Variants in LAMA2 observed in about 807,000 individuals in gnomAD.
LAMA2 encodes the protein laminin subunit alpha-2.
Under a neutral mutation model 364.8 loss-of-function variants are expected in LAMA2, and 269 were observed. The observed-to-expected ratio is 0.74, with a 90% CI of 0.67 to 0.82. LAMA2 has a LOEUF of 0.82. Among genes scored for constraint, LAMA2 ranks in the 40% least tolerant of loss-of-function variants. LAMA2 has a pLI of 0.00. For missense variants in LAMA2, 3,807 were observed against 3,873.2 expected (o/e 0.98, Z 0.45); for synonymous variants, 1,379 against 1,370.6 (o/e 1.01, Z -0.14).
chr6:129,239,895 GT>G (rs1271675897), intron 12 of LAMA2, among the ~76,000 whole-genome samples: 1 of 152,188 alleles, frequency 6.6e-6, no homozygotes, highest in Non-Finnish European at 1.5e-5. Flanking sequence ...ATGAAGGGGA[GT>G]TTGTTAGGAG....
intron 1 of LAMA2, among the ~76,000 whole-genome samples, chr6:128,992,182 T>C (rs1178022928): frequency 1.3e-5 from 2 of 152,244 alleles, no homozygotes; most frequent in East Asian, 3.8e-4. Context: ...CAATTCGTGC[T>C]CTGACTCTAG....
chr6:129,134,802 G>A lies in LAMA2; in HGVS notation c.640-9099G>A, dbSNP rs140690471. Among the ~76,000 whole-genome samples, 181 of 152,302 alleles carry A rather than the reference G, an allele frequency of 1.2e-3. 2 individuals carry two copies. Among genetic ancestry groups the A allele is most frequent in the South Asian group, 3.1e-3 (15 of 4,830 alleles). On this transcript the variant is annotated intron_variant, in intron 4 of 64. Coordinates refer to ENST00000421865, the MANE Select transcript of LAMA2 (RefSeq NM_000426.4). ...GATAGTACTGGTCCATGGCCCAGCA[G>A]TTGGGGACCCCTGCTTTAGCCCTCA...
At chr6:129,449,154 G>C (rs774754215) in intron 45 of LAMA2, among the ~76,000 whole-genome samples, 7 of 152,196 alleles carry the variant, frequency 4.6e-5, no homozygotes, top group Non-Finnish European at 1.0e-4. Context: ...CCAGAAAACA[G>C]AAAGCAGGTA....
chr6:129,393,277 A>T, intron 37 of LAMA2, 22 bp downstream of exon 37: 1 of 1,575,368 alleles, frequency 6.3e-7, no homozygotes, highest in Non-Finnish European at 8.7e-7. Flanking sequence ...GGGCACTTTT[A>T]TCTTAATCTC....
At chr6:128,934,269 G>A (rs1779676736) in intron 1 of LAMA2, among the ~76,000 whole-genome samples, 1 of 151,984 alleles carries the variant, frequency 6.6e-6, no homozygotes, top group Non-Finnish European at 1.5e-5. Flanking sequence ...TTATTTCTGG[G>A]CTATTCCGTT....
chr6:128,977,509 G>C (rs758378816), intron 1 of LAMA2, among the ~76,000 whole-genome samples: 2 of 151,936 alleles, frequency 1.3e-5, no homozygotes, highest in African/African-American at 4.8e-5. Context: ...TGATCCTTCT[G>C]CCTCAGCCTT....
At position 129,314,646 on chromosome 6, in the gene LAMA2, T is replaced by G; in HGVS notation, c.3412-9T>G. 6.2e-7 allele frequency: 1 copy of G among 1,613,252 alleles called. No homozygotes were observed. The highest frequency in any genetic ancestry group is 1.1e-5 in the South Asian group (1 of 90,988). ...TTATAAACTCTGAGGGTCTCTTGTC[T>G]TTCCTCAGGTGAATGTGGAAGGCAT... is the stretch of plus-strand genomic sequence containing the variant. On this transcript the variant is annotated splice_polypyrimidine_tract_variant and intron_variant, in intron 23 of 64. Transcript: ENST00000421865.
intron 37 of LAMA2, among the ~76,000 whole-genome samples, chr6:129,393,542 G>A (rs1779440916): frequency 6.6e-6 from 1 of 152,194 alleles, no homozygotes; most frequent in Non-Finnish European, 1.5e-5. Context: ...TCTTTACAGG[G>A]AGTCAGGCGA....
Position 129,132,044 on chromosome 6 carries a change from G to A in LAMA2, c.640-11857G>A, listed in dbSNP as rs530007317. On this transcript the variant is annotated intron_variant, in intron 4 of 64. Transcript: ENST00000421865. Reference sequence around the variant, plus strand: ...ACAACCTTCGTGTTGGTCCTTAGTCGTCTACTCTGATCTCAACCGCAAAAG... The same window carrying A: ...ACAACCTTCGTGTTGGTCCTTAGTCATCTACTCTGATCTCAACCGCAAAAG... 7.6e-4 allele frequency among the ~76,000 whole-genome samples: 116 copies of A among 152,088 alleles called. 1 individual carries two copies. In the South Asian group the frequency reaches 0.019, roughly 25 times the overall value.
At chr6:129,284,832 A>T (rs1019995864) in intron 18 of LAMA2, among the ~76,000 whole-genome samples, 1 of 152,084 alleles carries the variant, frequency 6.6e-6, no homozygotes, top group African/African-American at 2.4e-5. Context: ...AAATAACTGC[A>T]TGTGTTATCT....
At chr6:129,174,147 A>T (rs1256300769) in intron 9 of LAMA2, among the ~76,000 whole-genome samples, 2 of 152,034 alleles carry the variant, frequency 1.3e-5, no homozygotes, top group Non-Finnish European at 2.9e-5. Flanking sequence ...TATTTCTTAC[A>T]TGCTTTATAA....
At chr6:129,477,924 C>G (rs1274388144) in intron 53 of LAMA2, among the ~76,000 whole-genome samples, 1 of 152,078 alleles carries the variant, frequency 6.6e-6, no homozygotes, top group Non-Finnish European at 1.5e-5. Flanking sequence ...AACTGGGACT[C>G]CAGGCACACA....
intron 3 of LAMA2, among the ~76,000 whole-genome samples, chr6:129,071,068 G>T (rs78129233): frequency 6.6e-6 from 1 of 152,126 alleles, no homozygotes; most frequent in African/African-American, 2.4e-5. Context: ...TTTTCTCTGT[G>T]CATGGGTTTT....
intron 7 of LAMA2, 62 bp from the exon 8 acceptor site, chr6:129,154,443 A>G (rs1778986163): frequency 6.9e-7 from 1 of 1,451,372 alleles, no homozygotes; most frequent in African/African-American, 1.4e-5. Flanking sequence ...TATAACAGAA[A>G]TGATTTTTAA....
intron 28 of LAMA2, among the ~76,000 whole-genome samples, chr6:129,327,084 T>C (rs1775348625): frequency 6.6e-6 from 1 of 152,088 alleles, no homozygotes; most frequent in African/African-American, 2.4e-5. Context: ...TTGAATACTA[T>C]TCTCAGTTTT....
intron 1 of LAMA2, among the ~76,000 whole-genome samples, chr6:128,945,868 A>G (rs753715645): frequency 6.6e-6 from 1 of 152,258 alleles, no homozygotes; most frequent in East Asian, 1.9e-4. Flanking sequence ...TAATTCGGAT[A>G]TAACTCAGGT....
At chr6:128,891,303 G>A (rs1776437352) in intron 1 of LAMA2, among the ~76,000 whole-genome samples, 1 of 152,044 alleles carries the variant, frequency 6.6e-6, no homozygotes, top group Non-Finnish European at 1.5e-5. Context: ...TCCCTTTCGA[G>A]TTGCTTGTAA....
intron 18 of LAMA2, 40 bp downstream of exon 18, chr6:129,280,187 C>T (rs1038821434): frequency 5.3e-6 from 7 of 1,325,152 alleles, no homozygotes; most frequent in Non-Finnish European, 7.6e-6. Flanking sequence ...TGATTTCTAC[C>T]TTGGGAGTTA....
At chr6:129,167,281 AG>A (rs1156291353) in intron 9 of LAMA2, among the ~76,000 whole-genome samples, 5 of 150,708 alleles carry the variant, frequency 3.3e-5, no homozygotes, top group Non-Finnish European at 7.4e-5. Flanking sequence ...ATCTAGCATT[AG>A]GTATATCTCC....
Sources: gnomAD v4.1 joint callset for allele counts (sites outside exome capture counted in the v4.1 genomes callset) on GRCh38, gnomAD v4.1.1 for gene constraint, MANE v1.5 for transcripts, NCBI Gene and HGNC (gene_info 2026-07-23, HGNC 2026-07-21) for gene names.